DENND1A: variants seen among roughly 807,000 people sequenced by gnomAD.
The protein encoded by DENND1A is DENN domain-containing protein 1A.
Under a neutral mutation model 113.7 loss-of-function variants are expected in DENND1A, and 51 were observed. That is an observed-to-expected ratio of 0.45 (90% CI 0.36 to 0.57). DENND1A has a LOEUF of 0.57. DENND1A is among the 20% of genes least tolerant of loss of function. DENND1A has a pLI of 0.00. For synonymous variants in DENND1A, 565 were observed against 570.8 expected (o/e 0.99, Z 0.14); for missense variants, 1,258 against 1,395.9 (o/e 0.90, Z 1.57).
chr9:123,823,701 C>T (rs1165031488), intron 2 of DENND1A, among the ~76,000 whole-genome samples: 1 of 152,088 alleles, frequency 6.6e-6, no homozygotes, highest in Non-Finnish European at 1.5e-5. Context: ...ACCACAGTAG[C>T]CTGAGTGGGA....
intron 2 of DENND1A, among the ~76,000 whole-genome samples, chr9:123,818,786 A>G (rs1283793807): frequency 6.6e-6 from 1 of 152,180 alleles, no homozygotes; most frequent in Non-Finnish European, 1.5e-5. Context: ...ATTCTGCAGC[A>G]TTTTGGAGCA....
intron 9 of DENND1A, among the ~76,000 whole-genome samples, chr9:123,633,773 C>T (rs12115556): frequency 0.069 from 10,442 of 152,094 alleles, 653 homozygotes; most frequent in African/African-American, 0.17. Flanking sequence ...AAGACTCTGT[C>T]CCCCCAAAAA....
chr9:123,595,095 A>G (rs1564786571), intron 11 of DENND1A, among the ~76,000 whole-genome samples: 1 of 152,144 alleles, frequency 6.6e-6, no homozygotes, highest in African/African-American at 2.4e-5. Context: ...TTCCTGCTCC[A>G]CAAAATTAAA....
At chr9:123,736,256 T>C (rs74678090) in intron 5 of DENND1A, among the ~76,000 whole-genome samples, 1 of 152,228 alleles carries the variant, frequency 6.6e-6, no homozygotes, top group African/African-American at 2.4e-5. Context: ...AATGTTATCA[T>C]TTCCATTTTC....
intron 2 of DENND1A, among the ~76,000 whole-genome samples, chr9:123,806,102 C>T (rs1369359368): frequency 6.6e-6 from 1 of 151,496 alleles, no homozygotes; most frequent in Non-Finnish European, 1.5e-5. Context: ...TACAAGCACC[C>T]GCCACCATGC....
At chr9:123,484,745 T>A (rs1043830780) in intron 13 of DENND1A, among the ~76,000 whole-genome samples, 1 of 152,184 alleles carries the variant, frequency 6.6e-6, no homozygotes. Context: ...TGTTTCCTCC[T>A]AACCTCACCG....
At chr9:123,831,405 T>C (rs1356328530) in intron 2 of DENND1A, among the ~76,000 whole-genome samples, 3 of 152,202 alleles carry the variant, frequency 2.0e-5, no homozygotes, top group Admixed American at 6.5e-5. Context: ...GAAATCCCAA[T>C]ACAAATCTTA....
At chr9:123,796,612 A>G (rs1411571830) in intron 2 of DENND1A, among the ~76,000 whole-genome samples, 1 of 152,188 alleles carries the variant, frequency 6.6e-6, no homozygotes, top group African/African-American at 2.4e-5. Context: ...ACAGGCTCCA[A>G]AAACCCTGAG....
intron 13 of DENND1A, among the ~76,000 whole-genome samples, chr9:123,523,947 C>T (rs2054598534): frequency 1.3e-5 from 2 of 152,208 alleles, no homozygotes; most frequent in Non-Finnish European, 2.9e-5. Context: ...ATCTCTCTAA[C>T]AATTAAGGAA....
At chr9:123,679,345 G>A (rs1362495088) in intron 5 of DENND1A, among the ~76,000 whole-genome samples, 2 of 152,196 alleles carry the variant, frequency 1.3e-5, no homozygotes, top group South Asian at 2.1e-4. Context: ...AGGAGGTGAC[G>A]TGGGAAGGAG....
chr9:123,858,058 CAA>C (rs1230079039), intron 2 of DENND1A, among the ~76,000 whole-genome samples: 12 of 51,086 alleles, frequency 2.3e-4, no homozygotes, highest in Admixed American at 4.0e-4. Context: ...GACTCCGTCT[CAA>C]AAAAAAAAAA....
chr9:123,928,585 T>G (rs1857497313), intron 1 of DENND1A: 1 of 985,330 alleles, frequency 1.0e-6, no homozygotes, highest in Non-Finnish European at 1.2e-6. Context: ...GACTCTTCCA[T>G]TTTCATTACC....
chr9:123,871,344 A>C (rs936002628), intron 2 of DENND1A, among the ~76,000 whole-genome samples: 3 of 152,142 alleles, frequency 2.0e-5, no homozygotes, highest in African/African-American at 7.2e-5. Context: ...TCAGCCTCCC[A>C]AAGTGCTAGG....
intron 5 of DENND1A, among the ~76,000 whole-genome samples, chr9:123,711,513 G>GTATGTATA (rs2066612382): frequency 1.6e-4 from 19 of 120,986 alleles, no homozygotes; most frequent in Admixed American, 1.3e-3. Flanking sequence ...ATGTATATAT[G>GTATGTATA]TATATATATA....
At position 123,792,692 on chromosome 9, in the gene DENND1A, A is replaced by T. The variant is rs1400221646; in HGVS notation, c.89-62T>A. The T allele has an allele frequency of 2.5e-6, 4 of 1,569,818 alleles. No homozygotes were observed. The African/African-American group carries it at 5.4e-5, about 21-fold the overall frequency. On this transcript the variant is annotated intron_variant, in intron 2 of 23. Coordinates refer to ENST00000394215, the MANE Select transcript of DENND1A (RefSeq NM_001352964.2). ...GATTAGTGAGCAAGCAGAGGATCAC[A>T]CATTAATATTTGATCAGAAGATGAT...
At chr9:123,830,263 T>C (rs1209417571) in intron 2 of DENND1A, among the ~76,000 whole-genome samples, 5 of 152,086 alleles carry the variant, frequency 3.3e-5, no homozygotes, top group Admixed American at 6.5e-5. Flanking sequence ...GGAAATGCTA[T>C]AGAATACCAT....
chr9:123,490,883 T>C (rs1360152609), intron 13 of DENND1A, among the ~76,000 whole-genome samples: 1 of 152,254 alleles, frequency 6.6e-6, no homozygotes, highest in Non-Finnish European at 1.5e-5. Context: ...TGCAGCCACA[T>C]GTAGCCAGAG....
chr9:123,760,214 C>T (rs1301358611), intron 4 of DENND1A, among the ~76,000 whole-genome samples: 4 of 152,078 alleles, frequency 2.6e-5, no homozygotes, highest in Non-Finnish European at 5.9e-5. Flanking sequence ...TCATGGTTTA[C>T]CAAGCTTTTT....
chr9:123,401,977 T>G, intron 21 of DENND1A: 1 of 1,600,946 alleles, frequency 6.2e-7, no homozygotes, highest in Non-Finnish European at 8.6e-7. Flanking sequence ...CCCTGTATCC[T>G]GGTACAGTGT....
Sources: gnomAD v4.1 joint callset for allele counts (sites outside exome capture counted in the v4.1 genomes callset) on GRCh38, gnomAD v4.1.1 for gene constraint, MANE v1.5 for transcripts, NCBI Gene and HGNC (gene_info 2026-07-23, HGNC 2026-07-21) for gene names.